STOX2: variants seen among roughly 807,000 people sequenced by gnomAD.
STOX2 encodes the protein storkhead box 2.
In STOX2, 28 loss-of-function variants were observed where a neutral mutation model predicts 60.9. That is an observed-to-expected ratio of 0.46 (90% CI 0.34 to 0.63). STOX2 has a LOEUF of 0.63. STOX2 is among the 30% of genes least tolerant of loss of function. The pLI, the probability that STOX2 is intolerant of heterozygous loss-of-function variation, is 0.01. For missense variants in STOX2, 1,024 were observed against 1,187.7 expected (o/e 0.86, Z 2.03); for synonymous variants, 472 against 463.9 (o/e 1.02, Z -0.22).
chr4:183,860,098 T>TA (rs1441804020), intron 1 of STOX2, among the ~76,000 whole-genome samples: 7 of 152,106 alleles, frequency 4.6e-5, no homozygotes, highest in East Asian at 1.9e-4. Flanking sequence ...CTTTTTTTTT[T>TA]ACCGATGTCT....
chr4:183,942,674 A>G (rs144052758), intron 1 of STOX2, among the ~76,000 whole-genome samples: 39 of 152,346 alleles, frequency 2.6e-4, no homozygotes, highest in African/African-American at 8.4e-4. Flanking sequence ...TTTGTAAAAT[A>G]TGGGCTAACT....
At chr4:183,935,093 G>A (rs910847143) in intron 1 of STOX2, among the ~76,000 whole-genome samples, 11 of 152,218 alleles carry the variant, frequency 7.2e-5, no homozygotes, top group Admixed American at 2.6e-4. Context: ...TATTAAAGCC[G>A]GGGAAACAGT....
At chr4:183,900,561 C>T (rs1021025461), upstream of STOX2, among the ~76,000 whole-genome samples, 2 of 152,108 alleles carry the variant, frequency 1.3e-5, no homozygotes, top group African/African-American at 4.8e-5. Context: ...ATGAATGTTC[C>T]GTATACTAGA....
chr4:183,916,204 C>A (rs1250220029), intron 1 of STOX2, among the ~76,000 whole-genome samples: 1 of 152,188 alleles, frequency 6.6e-6, no homozygotes, highest in Non-Finnish European at 1.5e-5. Context: ...CAGGTGGTGC[C>A]CCATGTGCCT....
At chr4:183,838,843 TAC>T (rs1172183153) in intron 1 of STOX2, among the ~76,000 whole-genome samples, 2 of 152,234 alleles carry the variant, frequency 1.3e-5, no homozygotes, top group African/African-American at 4.8e-5. Flanking sequence ...TCCACGTGGT[TAC>T]ACACTCATCA....
At chr4:183,864,377 G>A (rs1740517676) in intron 1 of STOX2, among the ~76,000 whole-genome samples, 1 of 152,144 alleles carries the variant, frequency 6.6e-6, no homozygotes, top group South Asian at 2.1e-4. Flanking sequence ...ATGATTACAA[G>A]TGATGTATAA....
At chr4:183,954,179 T>A (rs2111151223) in intron 1 of STOX2, among the ~76,000 whole-genome samples, 1 of 152,356 alleles carries the variant, frequency 6.6e-6, no homozygotes, top group African/African-American at 2.4e-5. Context: ...CGTGGAGCAC[T>A]TCTTGTCACG....
chr4:183,954,033 G>A (rs1743171961), intron 1 of STOX2, among the ~76,000 whole-genome samples: 1 of 152,154 alleles, frequency 6.6e-6, no homozygotes, highest in Non-Finnish European at 1.5e-5. Flanking sequence ...TCTCATTGAA[G>A]GTGGTTTCAT....
chr4:183,834,099 C>T (rs1010200964), intron 1 of STOX2, among the ~76,000 whole-genome samples: 1 of 145,868 alleles, frequency 6.9e-6, no homozygotes, highest in South Asian at 2.1e-4. Context: ...CTTCAAGCCT[C>T]AGCTTCTCCA....
chr4:184,003,940 T>C (rs1733703267), intron 2 of STOX2, among the ~76,000 whole-genome samples: 1 of 113,346 alleles, frequency 8.8e-6, no homozygotes, highest in Non-Finnish European at 1.9e-5. Context: ...CTTCCCTTCC[T>C]TCCTTTGATT....
chr4:183,805,759 G>A (rs1314592418), intron 1 of STOX2, among the ~76,000 whole-genome samples: 1 of 152,244 alleles, frequency 6.6e-6, no homozygotes, highest in East Asian at 1.9e-4. Context: ...GCTACAGTGA[G>A]CCAAGATTGT....
intron 3 of STOX2, among the ~76,000 whole-genome samples, chr4:184,016,601 A>G (rs1423837941): frequency 2.0e-5 from 3 of 152,214 alleles, no homozygotes; most frequent in Non-Finnish European, 4.4e-5. Context: ...CCCCCAAAAA[A>G]GGGCATGCTC....
rs769199812 is a variant in STOX2, at chr4:184,010,688, T to G, written c.1850T>G (p.Leu617Arg). 5.0e-6 allele frequency: 8 copies of G among 1,612,872 alleles called. No individual in the cohort carries two copies. Among genetic ancestry groups the G allele is most frequent in the Admixed American group, 1.7e-5 (1 of 59,850 alleles). The stretch of plus-strand genomic sequence containing the variant: ...ACGGTGCTCACGGCACCATCACCTC[T>G]GGGAAAGAATAAGGAGGACCATGAC... ...SETVLTAPSP[L>R]GKNKEDHDTL... is the part of the protein sequence containing the mutation. The change falls in exon 3 of 4, where the codon CTG becomes CGG. Residue 617 changes from leucine to arginine, a missense_variant. Leu to Arg is a moderately radical substitution (Grantham distance 102, BLOSUM62 -2). This residue lies in a region of STOX2 where 922 missense variants were observed against 1,058.3 expected (regional missense o/e 0.87). Coordinates refer to ENST00000308497, the MANE Select transcript of STOX2 (RefSeq NM_020225.3). The surrounding 1 kb of genome is among the most constrained non-coding windows in gnomAD (Gnocchi z 4.5).
At chr4:183,980,706 T>A (rs1732631168) in intron 1 of STOX2, among the ~76,000 whole-genome samples, 1 of 152,196 alleles carries the variant, frequency 6.6e-6, no homozygotes, top group African/African-American at 2.4e-5. Context: ...ATAGTTTTTT[T>A]TTTTTAGAAG....
Position 183,821,287 on chromosome 4 carries a change from T to C in STOX2, c.364+23232T>C, listed in dbSNP as rs1430453926. On this transcript the variant is annotated intron_variant, in intron 1 of 2. Transcript: ENST00000513034. The surrounding 1 kb of genome is among the most constrained non-coding windows in gnomAD (Gnocchi z 4.2). ...GGCTGGAGGCCCGTGTGTAACCATATGGTGCTTCACGGAATGCAGATAATG... is the reference window on the plus strand; with the variant it reads ...GGCTGGAGGCCCGTGTGTAACCATACGGTGCTTCACGGAATGCAGATAATG... 6.6e-6 allele frequency among the ~76,000 whole-genome samples: 1 copy of C among 152,226 alleles called. No homozygotes were observed. The highest frequency in any genetic ancestry group is 6.5e-5 in the Admixed American group (1 of 15,282).
rs61339222 is a variant in STOX2, at chr4:183,878,933, G to GT, written c.364+80893dup. Reference sequence around the variant, plus strand: ...TAGAATTGTTCTTTACTCATGGATAGTTTTTTTTTTTTTTTAGGTCTAAAC... The same window carrying GT: ...TAGAATTGTTCTTTACTCATGGATAGTTTTTTTTTTTTTTTTAGGTCTAAAC... On this transcript the variant is annotated intron_variant, in intron 1 of 2. Transcript: ENST00000513034. Among the ~76,000 whole-genome samples, 610 of 137,666 alleles carry GT rather than the reference G, an allele frequency of 4.4e-3. 1 individual carries two copies. Among genetic ancestry groups the GT allele is most frequent in the African/African-American group, 5.5e-3 (207 of 37,834 alleles). The allele number at this position is 137,666 out of a possible 152,430, so 90.3% of individuals were successfully genotyped here. A position where few individuals can be genotyped will look rare whatever the true frequency, so the allele number is the denominator to read the frequency against.
chr4:184,008,425 A>G (rs184905791), intron 2 of STOX2, among the ~76,000 whole-genome samples: 53 of 152,370 alleles, frequency 3.5e-4, no homozygotes, highest in Non-Finnish European at 6.5e-4. Flanking sequence ...ACAAAAAGAC[A>G]CAGAGTGTCA....
At chr4:183,893,555 G>C (rs142830035) in intron 1 of STOX2, among the ~76,000 whole-genome samples, 2 of 152,184 alleles carry the variant, frequency 1.3e-5, no homozygotes, top group Non-Finnish European at 2.9e-5. Flanking sequence ...CCTTCTAGTC[G>C]GGGTGAGAGA....
intron 1 of STOX2, among the ~76,000 whole-genome samples, chr4:183,984,642 G>A (rs1010556623): frequency 1.3e-5 from 2 of 152,170 alleles, no homozygotes; most frequent in African/African-American, 4.8e-5. Flanking sequence ...AAGAGCATGC[G>A]AGACCATTAG....
Sources: allele counts gnomAD v4.1 joint callset (sites outside exome capture counted in the v4.1 genomes callset), GRCh38; gene constraint gnomAD v4.1.1; regional missense constraint gnomAD v4.1.1; non-coding constraint Gnocchi (gnomAD v3.1); transcripts MANE v1.5; gene names NCBI Gene and HGNC (gene_info 2026-07-23, HGNC 2026-07-21).